Variants in SMAGP observed in about 807,000 individuals in gnomAD.
SMAGP encodes small cell adhesion glycoprotein.
Under a neutral mutation model 10.1 loss-of-function variants are expected in SMAGP, and 7 were observed. The ratio of observed to expected loss-of-function variants is 0.70; its 90% CI spans 0.40 to 1.31. SMAGP has a LOEUF of 1.31. SMAGP is among the 50% of genes most tolerant of loss of function. The probability of loss-of-function intolerance (pLI) is 0.01; values close to 1 mark genes in which losing one functional copy is unlikely to be tolerated. For missense variants in SMAGP, 113 were observed against 116.5 expected (o/e 0.97, Z 0.14); for synonymous variants, 49 against 47.2 (o/e 1.04, Z -0.16).
At chr12:51,263,003 A>G (rs1329531132) in intron 2 of SMAGP, among the ~76,000 whole-genome samples, 2 of 152,188 alleles carry the variant, frequency 1.3e-5, no homozygotes, top group Admixed American at 1.3e-4. Flanking sequence ...GTACACCATG[A>G]CAGAAAGAAC....
intron 1 of SMAGP, chr12:51,269,526 C>A: frequency 1.9e-6 from 1 of 538,156 alleles, no homozygotes; most frequent in South Asian, 2.1e-5. Context: ...TGCAGTTTGA[C>A]GGGGTGTTAC....
chr12:51,269,353 T>G, intron 1 of SMAGP, 37 bp from the exon 2 acceptor site: 1 of 1,558,132 alleles, frequency 6.4e-7, no homozygotes. Flanking sequence ...ATGTAGCGGG[T>G]GGGCCCCTAT....
intron 2 of SMAGP, among the ~76,000 whole-genome samples, chr12:51,247,393 C>A (rs951073163): frequency 1.3e-5 from 2 of 152,162 alleles, no homozygotes; most frequent in African/African-American, 4.8e-5. Context: ...TATTAAAAAC[C>A]CTTTTCTACA....
chr12:51,267,476 C>A (rs1466749073), intron 2 of SMAGP, among the ~76,000 whole-genome samples: 20 of 130,706 alleles, frequency 1.5e-4, no homozygotes, highest in East Asian at 4.7e-4. Flanking sequence ...TCCCCCCCCC[C>A]ACTCCGTGTC....
intron 2 of SMAGP, among the ~76,000 whole-genome samples, chr12:51,256,428 A>G (rs1944884692): frequency 6.6e-6 from 1 of 151,958 alleles, no homozygotes; most frequent in Non-Finnish European, 1.5e-5. Context: ...TCTATTTAAA[A>G]AAACACAAAC....
intron 2 of SMAGP, among the ~76,000 whole-genome samples, chr12:51,252,860 A>G (rs561641131): frequency 8.3e-4 from 127 of 152,128 alleles, no homozygotes; most frequent in African/African-American, 3.0e-3. Context: ...GGAGCAGTGG[A>G]GCCTTTGGGG....
At chr12:51,257,000 C>T (rs1269185217) in intron 2 of SMAGP, among the ~76,000 whole-genome samples, 4 of 151,932 alleles carry the variant, frequency 2.6e-5, no homozygotes, top group African/African-American at 7.3e-5. Flanking sequence ...GTGCTGGATA[C>T]AAACCCGTAA....
Position 51,259,888 on chromosome 12 carries a change from A to C in SMAGP, c.34+9357T>G, listed in dbSNP as rs1944916863. ...GCCACCATGCCTGGCTAATTTTTAAAGTTTTTTGTAGAGAGGGAGTCTTGC... is the reference window on the plus strand; with the variant it reads ...GCCACCATGCCTGGCTAATTTTTAACGTTTTTTGTAGAGAGGGAGTCTTGC... On this transcript the variant is annotated intron_variant, in intron 2 of 3. Transcript: ENST00000603798. Among the ~76,000 whole-genome samples the C allele has an allele frequency of 4.0e-5, 6 of 151,696 alleles. No homozygotes were observed. The South Asian group carries it at 1.3e-3, about 32-fold the overall frequency.
chr12:51,261,219 CCAAGTAG>C (rs1555167393), intron 2 of SMAGP, among the ~76,000 whole-genome samples: 3 of 151,136 alleles, frequency 2.0e-5, no homozygotes, highest in Non-Finnish European at 4.4e-5. Flanking sequence ...CCTCAGCCTC[CCAAGTAG>C]CTGGGATTAC....
intron 2 of SMAGP, among the ~76,000 whole-genome samples, chr12:51,259,580 A>C (rs996415122): frequency 2.0e-5 from 3 of 151,766 alleles, no homozygotes; most frequent in Non-Finnish European, 4.4e-5. Context: ...AGAATGGGGA[A>C]GCTATGGCTT....
At chr12:51,268,382 T>G (rs1249993897) in intron 2 of SMAGP, among the ~76,000 whole-genome samples, 1 of 152,112 alleles carries the variant, frequency 6.6e-6, no homozygotes, top group Non-Finnish European at 1.5e-5. Flanking sequence ...AAACCGGAGC[T>G]TAGAGGTTAG....
intron 3 of SMAGP, chr12:51,246,428 AG>A: frequency 4.5e-6 from 2 of 449,288 alleles, no homozygotes; most frequent in Non-Finnish European, 7.9e-6. Flanking sequence ...TTATCCTAAC[AG>A]GAAGTGGTTT....
At chr12:51,247,979 G>GT (rs771134122) in intron 2 of SMAGP, among the ~76,000 whole-genome samples, 28 of 152,206 alleles carry the variant, frequency 1.8e-4, no homozygotes, top group Non-Finnish European at 3.7e-4. Flanking sequence ...TGAAGCAGGG[G>GT]TAAGAGTTTA....
intron 2 of SMAGP, among the ~76,000 whole-genome samples, chr12:51,263,882 A>C (rs1390824502): frequency 1.3e-5 from 2 of 152,138 alleles, no homozygotes; most frequent in African/African-American, 4.8e-5. Context: ...AAAGAAACAA[A>C]ATTTTAGGTC....
chr12:51,256,230 A>AG (rs1009873631), intron 2 of SMAGP, among the ~76,000 whole-genome samples: 5 of 152,126 alleles, frequency 3.3e-5, no homozygotes, highest in Admixed American at 1.3e-4. Flanking sequence ...GTAAGCCTGC[A>AG]GGGGGAACAA....
At chr12:51,248,434 A>ACACACT (rs1188710796) in intron 2 of SMAGP, among the ~76,000 whole-genome samples, 5 of 77,564 alleles carry the variant, frequency 6.4e-5, no homozygotes, top group African/African-American at 1.0e-4. Flanking sequence ...ACACACACAC[A>ACACACT]CTCTCTCTCT....
In SMAGP at chr12:51,269,688, G is replaced by C. The variant is rs75133818; in HGVS notation, c.-38-372C>G. ...AGGTACCCTAGGGTTCCACAGCTAG[G>C]AGTTCTGGTGACGCCATCCACCAGG... On this transcript the variant is annotated intron_variant, in intron 1 of 3. Transcript: ENST00000603798. 6.0e-3 allele frequency: 1,011 copies of C among 169,040 alleles called. 12 individuals are homozygous for C. The highest frequency in any genetic ancestry group is 0.022 in the African/African-American group (934 of 42,158). The allele number at this position is 169,040 out of a possible 1,614,324, so 10.5% of individuals were successfully genotyped here.
chr12:51,267,669 T>A (rs1251667761), intron 2 of SMAGP, among the ~76,000 whole-genome samples: 1 of 151,988 alleles, frequency 6.6e-6, no homozygotes, highest in Non-Finnish European at 1.5e-5. Flanking sequence ...AATTTTTAAA[T>A]TTTTTTGTAG....
At chr12:51,263,402 G>T (rs146487940) in intron 2 of SMAGP, among the ~76,000 whole-genome samples, 10 of 150,786 alleles carry the variant, frequency 6.6e-5, no homozygotes, top group African/African-American at 2.2e-4. Flanking sequence ...AAAAAGAAAA[G>T]AAAATTCCTT....
Sources: allele counts gnomAD v4.1 joint callset (sites outside exome capture counted in the v4.1 genomes callset), GRCh38; gene constraint gnomAD v4.1.1; transcripts MANE v1.5; gene names NCBI Gene and HGNC (gene_info 2026-07-23, HGNC 2026-07-21).